The following DLGAP2 variants were observed in gnomAD, a reference collection of about 807,000 sequenced individuals.
The protein encoded by DLGAP2 is disks large-associated protein 2.
In DLGAP2, 26 loss-of-function variants were observed where a neutral mutation model predicts 100.3. The ratio of observed to expected loss-of-function variants is 0.26; its 90% CI spans 0.19 to 0.36. The LOEUF is 0.36. Ranked by LOEUF, DLGAP2 falls within the 10% of genes least tolerant of loss-of-function variation. DLGAP2 has a pLI of 1.00. For synonymous variants in DLGAP2, 886 were observed against 630.1 expected (o/e 1.41, Z -6.08); for missense variants, 1,858 against 1,453.2 (o/e 1.28, Z -4.53).
At chr8:866,824 C>T (rs1004657626) in intron 1 of DLGAP2, among the ~76,000 whole-genome samples, 7 of 152,230 alleles carry the variant, frequency 4.6e-5, no homozygotes, top group Non-Finnish European at 8.8e-5. Flanking sequence ...TCCAGGTCCC[C>T]TGGGCCTTTC....
chr8:1,447,680 C>A (rs1333080170), intron 3 of DLGAP2, among the ~76,000 whole-genome samples: 1 of 152,182 alleles, frequency 6.6e-6, no homozygotes, highest in Non-Finnish European at 1.5e-5. Flanking sequence ...TCTCCTTGTG[C>A]CTCTGGTAGA....
chr8:1,510,526 G>T (rs971826155), intron 4 of DLGAP2, among the ~76,000 whole-genome samples: 2 of 152,250 alleles, frequency 1.3e-5, no homozygotes, highest in Non-Finnish European at 2.9e-5. Flanking sequence ...ACGAAGGAGG[G>T]ACAAGGAAAG....
chr8:1,580,969 C>A (rs945628257), intron 6 of DLGAP2, among the ~76,000 whole-genome samples: 36 of 149,642 alleles, frequency 2.4e-4, no homozygotes, highest in Non-Finnish European at 5.0e-4. Context: ...TCTACACACA[C>A]CACAAACTAC....
intron 2 of DLGAP2, among the ~76,000 whole-genome samples, chr8:1,214,110 T>G (rs1176486604): frequency 6.6e-6 from 1 of 152,122 alleles, no homozygotes. Flanking sequence ...CAGGGGGCCT[T>G]GCGTCTTACC....
At chr8:792,715 T>C (rs1234002842) in intron 1 of DLGAP2, among the ~76,000 whole-genome samples, 1 of 152,252 alleles carries the variant, frequency 6.6e-6, no homozygotes, top group Non-Finnish European at 1.5e-5. Flanking sequence ...TTTTATCAAA[T>C]GCTTATTTGG....
intron 2 of DLGAP2, among the ~76,000 whole-genome samples, chr8:1,111,571 G>A (rs10094492): frequency 0.29 from 43,952 of 151,762 alleles, 6,967 homozygotes; most frequent in Non-Finnish European, 0.37. Context: ...GCCACCCTCC[G>A]ATAGACCCCA....
intron 3 of DLGAP2, among the ~76,000 whole-genome samples, chr8:1,452,651 G>T (rs1029193538): frequency 6.6e-6 from 1 of 152,226 alleles, no homozygotes; most frequent in Non-Finnish European, 1.5e-5. Context: ...TTAGGAGGCA[G>T]GAGATGCCGA....
intron 3 of DLGAP2, among the ~76,000 whole-genome samples, chr8:1,441,040 T>G (rs1387481024): frequency 6.6e-6 from 1 of 152,200 alleles, no homozygotes; most frequent in Non-Finnish European, 1.5e-5. Context: ...CATTTGTGGT[T>G]GTGTTTTCAA....
At chr8:1,691,435 T>C (rs1271363840) in intron 12 of DLGAP2, 100 bp from the exon 13 acceptor site, 1 of 1,000,304 alleles carries the variant, frequency 1.0e-6, no homozygotes, top group East Asian at 2.6e-5. Flanking sequence ...AGTTTTCATC[T>C]CCAGTGGGAC....
intron 6 of DLGAP2, among the ~76,000 whole-genome samples, chr8:1,605,185 T>C (rs1584983054): frequency 6.6e-6 from 1 of 152,200 alleles, no homozygotes; most frequent in East Asian, 1.9e-4. Context: ...CTTACCCAGG[T>C]TCATACGGTG....
Position 1,549,581 on chromosome 8 carries a change from C to A in DLGAP2, c.1128C>A (p.Val376=). 6.2e-7 allele frequency: 1 copy of A among 1,612,094 alleles called. No individual in the cohort carries two copies. The highest frequency in any genetic ancestry group is 1.3e-5 in the African/African-American group (1 of 75,036). Residue 376 remains valine (V), a synonymous_variant, in exon 5 of 15, where the codon GTC becomes GTA. Transcript: ENST00000637795. ...LKRSSWSTLT[V]SQAKEAYRKS... is the part of the protein sequence containing the mutation. ...GCAGCTCCTGGTCTACGCTGACGGT[C>A]AGCCAGGCCAAGGAGGCCTACCGCA...
At chr8:1,572,552 G>A (rs1802771023) in intron 6 of DLGAP2, among the ~76,000 whole-genome samples, 1 of 125,878 alleles carries the variant, frequency 7.9e-6, no homozygotes, top group African/African-American at 3.1e-5. Context: ...CGTCTGATGA[G>A]ATGGAGAGGA....
chr8:1,182,816 C>G (rs1797419300), intron 2 of DLGAP2, among the ~76,000 whole-genome samples: 1 of 152,180 alleles, frequency 6.6e-6, no homozygotes. Flanking sequence ...GTCGGCAACT[C>G]TGGGCAGTGG....
chr8:1,184,519 G>A (rs1001147225), intron 2 of DLGAP2, among the ~76,000 whole-genome samples: 7 of 152,212 alleles, frequency 4.6e-5, no homozygotes, highest in African/African-American at 1.7e-4. Flanking sequence ...CTGTTCTCAG[G>A]GCAGTTGGAG....
At chr8:1,126,498 C>G (rs996907990) in intron 2 of DLGAP2, among the ~76,000 whole-genome samples, 2 of 151,752 alleles carry the variant, frequency 1.3e-5, no homozygotes, top group Non-Finnish European at 2.9e-5. Flanking sequence ...GGGCTGGGAT[C>G]TCTCATCGTG....
chr8:1,303,584 G>T (rs138273414), intron 3 of DLGAP2, among the ~76,000 whole-genome samples: 1 of 151,988 alleles, frequency 6.6e-6, no homozygotes, highest in South Asian at 2.1e-4. Context: ...ATTTTTAAAG[G>T]TGTAACTCTC....
At chr8:1,068,286 A>G (rs1427701414) in intron 2 of DLGAP2, among the ~76,000 whole-genome samples, 2 of 152,180 alleles carry the variant, frequency 1.3e-5, no homozygotes, top group African/African-American at 4.8e-5. Context: ...TTTCGTGTGG[A>G]TGTAAGTTTC....
At chr8:1,577,627 A>T (rs1254673747) in intron 6 of DLGAP2, among the ~76,000 whole-genome samples, 3 of 150,978 alleles carry the variant, frequency 2.0e-5, no homozygotes, top group African/African-American at 7.3e-5. Flanking sequence ...ATCCAACAAG[A>T]GGTTTATTGT....
chr8:1,465,507 T>A (rs1219637778), intron 3 of DLGAP2, among the ~76,000 whole-genome samples: 1 of 152,010 alleles, frequency 6.6e-6, no homozygotes, highest in African/African-American at 2.4e-5. Flanking sequence ...TGTTTGGTGG[T>A]TTATTATAAA....
Sources: allele counts gnomAD v4.1 joint callset (sites outside exome capture counted in the v4.1 genomes callset), GRCh38; gene constraint gnomAD v4.1.1; transcripts MANE v1.5; gene names NCBI Gene and HGNC (gene_info 2026-07-23, HGNC 2026-07-21).